Variants in PRUNE2 observed in about 807,000 individuals in gnomAD.
PRUNE2 encodes prune homolog 2 with BCH domain.
PRUNE2 carries 164 observed loss-of-function variants against 252.0 expected under a neutral mutation model. The ratio of observed to expected loss-of-function variants is 0.65; its 90% confidence interval spans 0.57 to 0.74. The LOEUF (loss-of-function observed/expected upper bound fraction) is 0.74. Ranked by LOEUF, PRUNE2 falls within the 30% of genes least tolerant of loss-of-function variation. The pLI is 0.00. For missense variants in PRUNE2, 3,495 were observed against 3,711.0 expected, an observed-to-expected ratio of 0.94 and a Z score of 1.51; for synonymous variants, 1,292 against 1,350.2, an observed-to-expected ratio of 0.96 and a Z score of 0.94.
chr9:76,696,724 C>A (rs1388027878), intron 9 of PRUNE2, among the ~76,000 whole-genome samples: 2 of 152,244 alleles, frequency 1.3e-5, no homozygotes, highest in Non-Finnish European at 2.9e-5. Context: ...CCACGCCCAG[C>A]CTCCACTAGG....
At chr9:76,691,955 C>T (rs1440176887) in intron 9 of PRUNE2, 5 of 660,058 alleles carry the variant, frequency 7.6e-6, no homozygotes, top group Non-Finnish European at 1.4e-5. Context: ...TCTCATCCCC[C>T]TCCCGTCTCC....
intron 9 of PRUNE2, among the ~76,000 whole-genome samples, chr9:76,675,306 A>G (rs1317569183): frequency 7.7e-5 from 3 of 38,878 alleles, no homozygotes; most frequent in Admixed American, 3.0e-4. Flanking sequence ...CAAAAAACAC[A>G]TGAAAAAATG....
chr9:76,638,185 C>G lies in PRUNE2; in HGVS notation c.8831+1G>C, dbSNP rs1487357951. On this transcript the variant is annotated splice_donor_variant, in intron 13 of 18. Coordinates refer to ENST00000376718, the MANE Select transcript of PRUNE2 (RefSeq NM_015225.3). LOFTEE classifies it high-confidence loss of function. ...AGCACTTTGTCATAAGTATCACTCA[C>G]AGGAAAAGATTTTCCATGACATAGT... 1 of 1,603,730 alleles carries G rather than the reference C, an allele frequency of 6.2e-7. No homozygotes were observed.
rs150167253 is a variant in PRUNE2 at position 76,902,738 on chromosome 9, C to T, written c.36+3190G>A. Reference sequence around the variant, plus strand: ...CAAGTTTTTCACAAATATGCTCCAGCCCCCAGCCTGTCCTAACCAGGCAGA... The same window carrying T: ...CAAGTTTTTCACAAATATGCTCCAGTCCCCAGCCTGTCCTAACCAGGCAGA... On this transcript the variant is annotated intron_variant, in intron 1 of 18. Coordinates refer to ENST00000376718, the MANE Select transcript of PRUNE2 (RefSeq NM_015225.3). Among the ~76,000 whole-genome samples the T allele has an allele frequency of 4.0e-3, 607 of 152,304 alleles. 3 individuals carry two copies. The highest frequency in any genetic ancestry group is 6.6e-3 in the Non-Finnish European group (452 of 68,028).
chr9:76,796,901 T>C (rs1452248305), intron 6 of PRUNE2, among the ~76,000 whole-genome samples: 1 of 152,178 alleles, frequency 6.6e-6, no homozygotes, highest in Non-Finnish European at 1.5e-5. Context: ...GAAACATTCA[T>C]TCTTCTTGGA....
At chr9:76,838,245 A>AATAG (rs10630698) in intron 4 of PRUNE2, among the ~76,000 whole-genome samples, 136,387 of 151,276 alleles carry the variant, frequency 0.9, 61,982 homozygotes, top group East Asian at 1. Context: ...AACATAATAA[A>AATAG]ATAGATAGAT....
At chr9:76,638,344 T>G in intron 12 of PRUNE2, 56 bp from the exon 13 acceptor site, 1 of 1,167,446 alleles carries the variant, frequency 8.6e-7, no homozygotes, top group Non-Finnish European at 1.3e-6. Context: ...AACAAGGTAA[T>G]ATCTGACCTA....
intron 12 of PRUNE2, among the ~76,000 whole-genome samples, chr9:76,641,619 T>C (rs988631529): frequency 3.3e-5 from 5 of 152,196 alleles, no homozygotes; most frequent in African/African-American, 9.7e-5. Flanking sequence ...AAGTTTCCTG[T>C]TGGCAACAGC....
intron 1 of PRUNE2, among the ~76,000 whole-genome samples, chr9:76,880,612 A>T (rs930870706): frequency 3.9e-5 from 6 of 152,368 alleles, no homozygotes; most frequent in African/African-American, 1.2e-4. Flanking sequence ...TAATTTAATT[A>T]AATCCCAAAC....
intron 1 of PRUNE2, among the ~76,000 whole-genome samples, chr9:76,903,723 G>C (rs2063318813): frequency 6.6e-6 from 1 of 152,130 alleles, no homozygotes; most frequent in African/African-American, 2.4e-5. Flanking sequence ...TAGTAGCTGG[G>C]ATTACAGGCA....
chr9:76,837,965 G>A (rs1007590232), intron 4 of PRUNE2, among the ~76,000 whole-genome samples: 7 of 151,720 alleles, frequency 4.6e-5, no homozygotes, highest in African/African-American at 7.3e-5. Context: ...TAGAGACGGG[G>A]TTTCACCGTG....
At chr9:76,642,572 T>C (rs1210256800) in intron 12 of PRUNE2, among the ~76,000 whole-genome samples, 2 of 152,178 alleles carry the variant, frequency 1.3e-5, no homozygotes, top group Non-Finnish European at 2.9e-5. Context: ...ATGAGAAAAC[T>C]TCCTCAGAGC....
Position 76,624,443 on chromosome 9 carries a change from A to G in PRUNE2, c.9188+9T>C. On this transcript the variant is annotated intron_variant, in intron 17 of 18. Coordinates refer to ENST00000376718, the MANE Select transcript of PRUNE2 (RefSeq NM_015225.3). Reference sequence around the variant, plus strand: ...TCATGCCAGCCGCTAAACGAAAACCAAGTCTTACTTAGCTGCCTCTGATGC... The same window carrying G: ...TCATGCCAGCCGCTAAACGAAAACCGAGTCTTACTTAGCTGCCTCTGATGC... The G allele has an allele frequency of 7.1e-7, 1 of 1,415,110 alleles. No homozygotes were observed. The highest frequency in any genetic ancestry group is 1.8e-5 in the South Asian group (1 of 56,548). 87.7% of individuals were successfully genotyped at this position (1,415,110 alleles called of 1,614,324 possible).
chr9:76,868,486 G>C (rs1016278743), intron 1 of PRUNE2, among the ~76,000 whole-genome samples: 2 of 152,116 alleles, frequency 1.3e-5, no homozygotes, highest in Non-Finnish European at 2.9e-5. Context: ...AGGTGCATAC[G>C]GGAGGACCAC....
At chr9:76,747,714 T>C (rs1397914865) in intron 6 of PRUNE2, among the ~76,000 whole-genome samples, 2 of 152,116 alleles carry the variant, frequency 1.3e-5, no homozygotes, top group African/African-American at 2.4e-5. Context: ...TGCTTAAGGA[T>C]GACAACAAAT....
intron 6 of PRUNE2, among the ~76,000 whole-genome samples, chr9:76,716,562 T>C (rs1351595217): frequency 1.3e-5 from 2 of 152,250 alleles, no homozygotes; most frequent in Admixed American, 6.5e-5. Flanking sequence ...AGGGTGTGCG[T>C]TTCTGGGCCG....
At chr9:76,629,989 G>A (rs1836774124) in intron 15 of PRUNE2, among the ~76,000 whole-genome samples, 1 of 152,030 alleles carries the variant, frequency 6.6e-6, no homozygotes, top group Non-Finnish European at 1.5e-5. Context: ...TTTACCCAAG[G>A]TCTCACCATT....
rs371825817 is a variant in PRUNE2 at position 76,730,182 on chromosome 9, A to G, written c.757-16461T>C. On this transcript the variant is annotated intron_variant, in intron 6 of 18. Transcript: ENST00000376718. ...CTAATCCATATGTACACACCTGTTC[A>G]GTCTAGAGAGTTTTTGGCTGGCTGT... 5.5e-4 allele frequency among the ~76,000 whole-genome samples: 84 copies of G among 152,360 alleles called. 2 individuals are homozygous for G. In the Middle Eastern group the frequency reaches 0.01, roughly 19 times the overall value.
chr9:76,881,677 A>T (rs1049204565), intron 1 of PRUNE2, among the ~76,000 whole-genome samples: 1 of 150,154 alleles, frequency 6.7e-6, no homozygotes, highest in African/African-American at 2.5e-5. Flanking sequence ...GCTGGAGTGC[A>T]GTGGCACGAT....
Sources: allele counts gnomAD v4.1 joint callset (sites outside exome capture counted in the v4.1 genomes callset), GRCh38; gene constraint gnomAD v4.1.1; transcripts MANE v1.5; gene names NCBI Gene and HGNC (gene_info 2026-07-23, HGNC 2026-07-21).